The following SETBP1 variants were observed in gnomAD, a reference collection of about 807,000 sequenced individuals.
The protein encoded by SETBP1 is SET-binding protein.
Under a neutral mutation model 101.0 loss-of-function variants are expected in SETBP1, and 9 were observed. The ratio of observed to expected loss-of-function variants is 0.09; its 90% confidence interval spans 0.05 to 0.16. The LOEUF (loss-of-function observed/expected upper bound fraction) is 0.16, where lower values mean the gene tolerates loss of function less well. Among genes scored for constraint, SETBP1 ranks in the 10% least tolerant of loss-of-function variants. The pLI, the probability that SETBP1 is intolerant of heterozygous loss-of-function variation, is 1.00. For synonymous variants in SETBP1, 818 were observed against 788.5 expected (o/e 1.04, Z -0.63); for missense variants, 1,858 against 2,033.8 (o/e 0.91, Z 1.66).
intron 4 of SETBP1, chr18:44,988,464 A>G (rs2072287634): frequency 6.6e-6 from 1 of 152,244 alleles, no homozygotes; most frequent in Non-Finnish European, 1.5e-5. Flanking sequence ...AAATGTTTAA[A>G]AGCTGAATGA....
intron 3 of SETBP1, among the ~76,000 whole-genome samples, chr18:44,882,741 C>T (rs1225043152): frequency 6.6e-6 from 1 of 152,090 alleles, no homozygotes; most frequent in Non-Finnish European, 1.5e-5. Context: ...AAGAATAGGT[C>T]ATAGGATATC....
Position 45,063,396 on chromosome 18 carries a change from G to C in SETBP1, c.4489G>C (p.Glu1497Gln), listed in dbSNP as rs781103603. ...QKPSLSPLVL[E>Q]PAASQDTIMA... ...GCCCAGCCTGAGCCCGCTGGTGCTG[G>C]AGCCCGCCGCCAGCCAAGACACCAT... Residue 1497 changes from glutamate (E) to glutamine (Q), a missense_variant, in exon 6 of 6, where the codon GAG becomes CAG. Glu to Gln is a conservative substitution (Grantham distance 29, BLOSUM62 2). Transcript: ENST00000649279. 2 of 1,543,444 alleles carry C rather than the reference G, an allele frequency of 1.3e-6. No individual in the cohort carries two copies. The highest frequency in any genetic ancestry group is 1.2e-5 in the South Asian group (1 of 82,828).
chr18:44,789,818 C>CATAATAA (rs2071332348), intron 2 of SETBP1, among the ~76,000 whole-genome samples: 1 of 152,162 alleles, frequency 6.6e-6, no homozygotes, highest in African/African-American at 2.4e-5. Flanking sequence ...TTTAGCAAAA[C>CATAATAA]CAACCATGAC....
Position 45,063,608 on chromosome 18 carries a change from G to T in SETBP1, c.4701G>T (p.Ser1567=). Reference sequence around the variant, plus strand: ...CCCCCGCTCAGCCCCCACAGCAGTCGCCCCCGCAGCAGCCCCTTCCCCAGG... The same window carrying T: ...CCCCCGCTCAGCCCCCACAGCAGTCTCCCCCGCAGCAGCCCCTTCCCCAGG... ...PQAPAQPPQQ[S]PPQQPLPQEE... Residue 1567 remains serine, a synonymous_variant, in exon 6 of 6, where the codon TCG becomes TCT. Transcript: ENST00000649279. 1 of 1,589,628 alleles carries T rather than the reference G, an allele frequency of 6.3e-7. No individual in the cohort carries two copies. The highest frequency in any genetic ancestry group is 8.6e-7 in the Non-Finnish European group (1 of 1,168,408).
intron 3 of SETBP1, among the ~76,000 whole-genome samples, chr18:44,874,585 A>G (rs1050063456): frequency 3.9e-5 from 6 of 152,214 alleles, no homozygotes; most frequent in African/African-American, 1.4e-4. Flanking sequence ...GAATTAGTGG[A>G]CCAGCAGCTT....
intron 1 of SETBP1, among the ~76,000 whole-genome samples, chr18:44,689,175 C>T (rs903190835): frequency 6.6e-5 from 10 of 152,144 alleles, no homozygotes; most frequent in Non-Finnish European, 1.2e-4. Context: ...ACATTCTTGG[C>T]GGGTAGAACA....
chr18:44,681,269 A>G (rs1034868085), intron 1 of SETBP1, among the ~76,000 whole-genome samples: 2 of 152,194 alleles, frequency 1.3e-5, no homozygotes, highest in African/African-American at 4.8e-5. Flanking sequence ...CCGGAAAGGG[A>G]ACCCTTCGGT....
chr18:44,775,361 A>T (rs1399522027), intron 2 of SETBP1, among the ~76,000 whole-genome samples: 1 of 152,224 alleles, frequency 6.6e-6, no homozygotes, highest in Non-Finnish European at 1.5e-5. Context: ...GATGTAGAAG[A>T]TGCTACAGTA....
intron 4 of SETBP1, among the ~76,000 whole-genome samples, chr18:44,955,900 G>C (rs942143356): frequency 5.3e-5 from 8 of 152,172 alleles, no homozygotes; most frequent in Non-Finnish European, 7.3e-5. Flanking sequence ...GAAGACACTC[G>C]TTTATTCAAT....
intron 3 of SETBP1, among the ~76,000 whole-genome samples, chr18:44,946,084 C>T (rs1272314759): frequency 6.6e-6 from 1 of 152,214 alleles, no homozygotes; most frequent in Non-Finnish European, 1.5e-5. Flanking sequence ...CTGGAGGAGG[C>T]CTTGTTCTCT....
chr18:44,891,553 A>G (rs953479823), intron 3 of SETBP1, among the ~76,000 whole-genome samples: 3 of 152,122 alleles, frequency 2.0e-5, no homozygotes, highest in Non-Finnish European at 4.4e-5. Context: ...CACAGCTTCT[A>G]AAGTCATCAT....
intron 4 of SETBP1, among the ~76,000 whole-genome samples, chr18:44,971,376 T>C (rs766091517): frequency 7.9e-5 from 12 of 152,226 alleles, no homozygotes; most frequent in Non-Finnish European, 1.6e-4. Context: ...TTTATAATCC[T>C]TTGGGTATAT....
chr18:44,927,345 G>C (rs1222462772), intron 3 of SETBP1, among the ~76,000 whole-genome samples: 1 of 152,158 alleles, frequency 6.6e-6, no homozygotes, highest in Non-Finnish European at 1.5e-5. Flanking sequence ...ACAGGCGCCA[G>C]TGCTCATCAT....
chr18:44,994,416 C>CT (rs1357132860), intron 4 of SETBP1, among the ~76,000 whole-genome samples: 3 of 152,102 alleles, frequency 2.0e-5, no homozygotes, highest in Non-Finnish European at 4.4e-5. Flanking sequence ...ATGATAATTC[C>CT]TTTTTATTCT....
intron 2 of SETBP1, among the ~76,000 whole-genome samples, chr18:44,837,097 T>A (rs905812004): frequency 3.3e-5 from 5 of 152,220 alleles, no homozygotes; most frequent in Admixed American, 2.6e-4. Context: ...TTGTTTGACA[T>A]CTTCATAACC....
chr18:44,772,459 G>A (rs1338479243), intron 2 of SETBP1, among the ~76,000 whole-genome samples: 1 of 152,144 alleles, frequency 6.6e-6, no homozygotes, highest in East Asian at 1.9e-4. Flanking sequence ...GCAGGGACTG[G>A]GAACCGCATC....
intron 2 of SETBP1, among the ~76,000 whole-genome samples, chr18:44,770,901 A>AC (rs1179583259): frequency 6.6e-6 from 1 of 152,066 alleles, no homozygotes; most frequent in African/African-American, 2.4e-5. Flanking sequence ...CAGGATTGTC[A>AC]CCGGAAGGCA....
chr18:44,743,511 G>A (rs1257725840), intron 2 of SETBP1, among the ~76,000 whole-genome samples: 1 of 152,114 alleles, frequency 6.6e-6, no homozygotes, highest in African/African-American at 2.4e-5. Context: ...ACTTGTACCA[G>A]CTCCATATTG....
chr18:45,024,681 G>T (rs1255581489), intron 4 of SETBP1, among the ~76,000 whole-genome samples: 1 of 152,210 alleles, frequency 6.6e-6, no homozygotes, highest in Non-Finnish European at 1.5e-5. Flanking sequence ...GCACAATGCA[G>T]TGGTTGGAAC....
Sources: allele counts gnomAD v4.1 joint callset (sites outside exome capture counted in the v4.1 genomes callset), GRCh38; gene constraint gnomAD v4.1.1; transcripts MANE v1.5; gene names NCBI Gene and HGNC (gene_info 2026-07-23, HGNC 2026-07-21).